Variants in BLOC1S3 observed in about 807,000 individuals in gnomAD.
BLOC1S3 encodes the protein biogenesis of lysosome-related organelles complex 1 subunit 3.
Under a neutral mutation model 9.1 loss-of-function variants are expected in BLOC1S3, and 7 were observed. That is an observed-to-expected ratio of 0.77 (90% CI 0.44 to 1.45). The LOEUF is 1.45. Among genes scored for constraint, BLOC1S3 ranks in the 40% most tolerant of loss-of-function variants. The probability of loss-of-function intolerance (pLI) is 0.01; values close to 1 mark genes in which losing one functional copy is unlikely to be tolerated. For missense variants in BLOC1S3, 307 were observed against 315.2 expected (o/e 0.97, Z 0.20); for synonymous variants, 145 against 158.4 (o/e 0.92, Z 0.64).
chr19:45,195,313 C>A (rs1679354390), intron 2 of BLOC1S3, among the ~76,000 whole-genome samples: 1 of 152,046 alleles, frequency 6.6e-6, no homozygotes, highest in South Asian at 2.1e-4. Flanking sequence ...CTCAGGCAGT[C>A]CTCCCACCTC....
At chr19:45,201,037 A>G (rs1380007796) in intron 2 of BLOC1S3, among the ~76,000 whole-genome samples, 1 of 152,026 alleles carries the variant, frequency 6.6e-6, no homozygotes, top group African/African-American at 2.4e-5. Context: ...CCCTGTCTCT[A>G]CCAAAAAATA....
chr19:45,183,626 T>TC (rs1324828847), downstream of BLOC1S3, among the ~76,000 whole-genome samples: 2 of 132,086 alleles, frequency 1.5e-5, no homozygotes, highest in African/African-American at 3.0e-5. Flanking sequence ...TTCTTTTCTT[T>TC]TTTTTTTTTT....
chr19:45,209,473 G>C (rs1969751554), intron 3 of BLOC1S3, among the ~76,000 whole-genome samples: 1 of 152,044 alleles, frequency 6.6e-6, no homozygotes, highest in East Asian at 1.9e-4. Flanking sequence ...CCAGGTTGGA[G>C]TGCAGTAATG....
chr19:45,204,348 C>A (rs1465590744), intron 3 of BLOC1S3, among the ~76,000 whole-genome samples: 1 of 151,810 alleles, frequency 6.6e-6, no homozygotes, highest in Non-Finnish European at 1.5e-5. Flanking sequence ...CACCACCATG[C>A]CCCAGCTAAT....
rs1969506768 is a variant in BLOC1S3 at position 45,180,590 on chromosome 19, T to C, written c.*685T>C. 6.0e-6 allele frequency: 1 copy of C among 167,104 alleles called. No individual in the cohort carries two copies. The highest frequency in any genetic ancestry group is 1.5e-5 in the Non-Finnish European group (1 of 68,242). The allele number at this position is 167,104 out of a possible 1,614,324, so 10.4% of individuals were successfully genotyped here. On this transcript the variant is annotated 3_prime_UTR_variant, in exon 2 of 2. Transcript: ENST00000433642. ...CTGCCTTTCTGAGTTTGGTTTCTGC[T>C]TATGGTGGGGAGCTTGTTCCCGTTC... is the stretch of plus-strand genomic sequence containing the variant.
intron 2 of BLOC1S3, among the ~76,000 whole-genome samples, chr19:45,193,420 C>T (rs1477531769): frequency 6.6e-6 from 1 of 152,010 alleles, no homozygotes; most frequent in African/African-American, 2.4e-5. Flanking sequence ...TCCTGATTTC[C>T]ATTTATTCTT....
At chr19:45,208,036 G>A (rs536245563) in intron 3 of BLOC1S3, among the ~76,000 whole-genome samples, 7 of 151,184 alleles carry the variant, frequency 4.6e-5, no homozygotes, top group East Asian at 2.0e-4. Context: ...GTGCAGTGGC[G>A]AAATCTTGGC....
At chr19:45,184,841 G>C (rs769376367), downstream of BLOC1S3, among the ~76,000 whole-genome samples, 1 of 148,088 alleles carries the variant, frequency 6.8e-6, no homozygotes, top group Non-Finnish European at 1.5e-5. Context: ...TGGAGCGTGC[G>C]GTGAGCCAAG....
intron 3 of BLOC1S3, chr19:45,212,651 G>A (rs1432575547): frequency 6.7e-6 from 1 of 149,656 alleles, no homozygotes; most frequent in African/African-American, 2.7e-5. Context: ...TGACCAGGCT[G>A]GAGTGCAGTG....
rs1055833654 is a variant in BLOC1S3, at chr19:45,179,456, C to T, written c.160C>T (p.Leu54=). The T allele has an allele frequency of 5.9e-6, 9 of 1,525,228 alleles. No homozygotes were observed. The highest frequency in any genetic ancestry group is 1.4e-5 in the African/African-American group (1 of 71,392). 94.5% of individuals were successfully genotyped at this position (1,525,228 alleles called of 1,614,324 possible). A position where few individuals can be genotyped will look rare whatever the true frequency, so the allele number is the denominator to read the frequency against. The change falls in exon 2 of 2, where the codon CTG becomes TTG. Residue 54 remains leucine (L), a synonymous_variant. Transcript: ENST00000433642. The surrounding 1 kb of genome is among the most constrained non-coding windows in gnomAD (Gnocchi z 4.6). ...CCCGACGCGCGGCCGCCCCACGGGG[C>T]TGCGGGTGGCTGGGGAAGCCGCGGA... ...SGPTRGRPTG[L]RVAGEAAETD... is the part of the protein sequence containing the mutation.
At chr19:45,192,111 A>G (rs1292011859) in intron 2 of BLOC1S3, among the ~76,000 whole-genome samples, 2 of 152,082 alleles carry the variant, frequency 1.3e-5, no homozygotes, top group Admixed American at 1.3e-4. Context: ...ACTCTGTTCT[A>G]CTGTGGCTGA....
At position 45,180,569 on chromosome 19, in the gene BLOC1S3, C is replaced by T. The variant is rs1311770622; in HGVS notation, c.*664C>T. 1 of 166,740 alleles carries T rather than the reference C, an allele frequency of 6.0e-6. No homozygotes were observed. The highest frequency in any genetic ancestry group is 1.5e-5 in the Non-Finnish European group (1 of 68,232). 10.3% of individuals were successfully genotyped at this position (166,740 alleles called of 1,614,324 possible). A position where few individuals can be genotyped will look rare whatever the true frequency, so the allele number is the denominator to read the frequency against. On this transcript the variant is annotated 3_prime_UTR_variant, in exon 2 of 2. Transcript: ENST00000433642. ...CACCACACACTGGGCTCTGCTCTGC[C>T]TTTCTGAGTTTGGTTTCTGCTTATG... is the stretch of plus-strand genomic sequence containing the variant.
intron 2 of BLOC1S3, among the ~76,000 whole-genome samples, chr19:45,194,777 G>GT (rs1327555058): frequency 6.6e-6 from 1 of 152,122 alleles, no homozygotes; most frequent in Non-Finnish European, 1.5e-5. Flanking sequence ...GGTGTTGAAG[G>GT]TCAGGACAGC....
chr19:45,187,552 T>TG (rs1176919579), intron 1 of BLOC1S3: 1 of 152,272 alleles, frequency 6.6e-6, no homozygotes, highest in Non-Finnish European at 1.5e-5. Context: ...TCCTTGGGAC[T>TG]GTTGGGGTGA....
At position 45,191,788 on chromosome 19, in the gene BLOC1S3, C is replaced by G. The variant is rs541163966; in HGVS notation, n.180+4048C>G. Among the ~76,000 whole-genome samples, 4 of 152,356 alleles carry G rather than the reference C, an allele frequency of 2.6e-5. No homozygotes were observed. The South Asian group carries it at 6.2e-4, about 24-fold the overall frequency. ...CTTTTCTCCCAAACAAATGGAGTCT[C>G]TCTGTGCTGAGCTGCCTGGAGCTGG... On this transcript the variant is annotated intron_variant and non_coding_transcript_variant, in intron 2 of 3. Transcript: ENST00000591569.
At position 45,179,979 on chromosome 19, in the gene BLOC1S3, C is replaced by T; in HGVS notation, c.*74C>T. On this transcript the variant is annotated 3_prime_UTR_variant, in exon 2 of 2. Coordinates refer to ENST00000433642, the MANE Select transcript of BLOC1S3 (RefSeq NM_212550.5). This position sits in a 1 kb window ranked among gnomAD's most constrained non-coding sequence, Gnocchi z 4.6. ...TGCCTCTGGGACCTGACTCTGTCTCCTGTGTCTCTTATCACCCCCCACCCC... is the reference window on the plus strand; with the variant it reads ...TGCCTCTGGGACCTGACTCTGTCTCTTGTGTCTCTTATCACCCCCCACCCC... 2 of 1,539,396 alleles carry T rather than the reference C, an allele frequency of 1.3e-6. No individual in the cohort carries two copies. Among genetic ancestry groups the T allele is most frequent in the Non-Finnish European group, 1.8e-6 (2 of 1,135,440 alleles).
intron 2 of BLOC1S3, among the ~76,000 whole-genome samples, chr19:45,200,617 A>G (rs1427480855): frequency 6.6e-6 from 1 of 152,166 alleles, no homozygotes; most frequent in Admixed American, 6.6e-5. Context: ...CTCCGTCTGA[A>G]AGGTCACATA....
intron 3 of BLOC1S3, among the ~76,000 whole-genome samples, chr19:45,204,729 T>G (rs1274462269): frequency 6.6e-6 from 1 of 150,982 alleles, no homozygotes; most frequent in African/African-American, 2.5e-5. Flanking sequence ...CTCAGGATAT[T>G]CAGAATTTTT....
At chr19:45,187,661 AAC>A (rs915363379) in exon 2 of BLOC1S3, 3 of 152,154 alleles carry the variant, frequency 2.0e-5, no homozygotes, top group African/African-American at 7.2e-5. Context: ...GCCAGAGTGA[AAC>A]AGAGTCCTAG....
Sources: gnomAD v4.1 joint callset for allele counts (sites outside exome capture counted in the v4.1 genomes callset) on GRCh38, gnomAD v4.1.1 for gene constraint, Gnocchi (gnomAD v3.1) non-coding constraint, MANE v1.5 for transcripts, NCBI Gene and HGNC (gene_info 2026-07-23, HGNC 2026-07-21) for gene names.